The following WRNIP1 variants were observed in gnomAD, a reference collection of about 807,000 sequenced individuals.
WRNIP1 encodes the protein ATPase WRNIP1.
A neutral mutation model predicts 56.1 loss-of-function variants in WRNIP1; 41 were observed. The observed-to-expected ratio is 0.73, with a 90% CI of 0.57 to 0.95. WRNIP1 has a LOEUF of 0.95. Among genes scored for constraint, WRNIP1 ranks in the 40% least tolerant of loss-of-function variants. The pLI, the probability that WRNIP1 is intolerant of heterozygous loss-of-function variation, is 0.00. For synonymous variants in WRNIP1, 547 were observed against 398.1 expected (o/e 1.37, Z -4.45); for missense variants, 1,170 against 939.4 (o/e 1.25, Z -3.21).
Position 2,766,355 on chromosome 6 carries a change from G to T in WRNIP1, c.733G>T (p.Ala245Ser). ...TLQDYFGQSK[A>S]VGQDTLLRSL... ...GCAGGATTACTTCGGGCAGAGCAAG[G>T]CCGTGGGCCAGGATACCCTGCTGCG... Residue 245 changes from alanine (A) to serine (S), a missense_variant, in exon 1 of 7, where the codon GCC (alanine) becomes TCC (serine). Transcript: ENST00000380773. 6.2e-7 allele frequency: 1 copy of T among 1,610,440 alleles called. No individual in the cohort carries two copies. Among genetic ancestry groups the T allele is most frequent in the Non-Finnish European group, 8.5e-7 (1 of 1,178,846 alleles).
chr6:2,771,552 G>A (rs140332091), intron 3 of WRNIP1, among the ~76,000 whole-genome samples: 29 of 152,316 alleles, frequency 1.9e-4, no homozygotes, highest in Non-Finnish European at 3.5e-4. Context: ...AGTACAGGTT[G>A]AGTATCCCAA....
intron 3 of WRNIP1, among the ~76,000 whole-genome samples, chr6:2,772,001 TTAA>T (rs1403721710): frequency 1.3e-5 from 2 of 152,220 alleles, no homozygotes; most frequent in African/African-American, 4.8e-5. Context: ...AAATCAATAA[TTAA>T]TATTGATGAC....
chr6:2,784,828 C>T (rs1765671700), intron 6 of WRNIP1, among the ~76,000 whole-genome samples, 179 bp from the exon 7 acceptor site: 1 of 152,044 alleles, frequency 6.6e-6, no homozygotes, highest in African/African-American at 2.4e-5. Context: ...CTCGTTTCAC[C>T]TCATGAGAAT....
chr6:2,770,660 G>A (rs889533326), intron 3 of WRNIP1, among the ~76,000 whole-genome samples: 18 of 152,066 alleles, frequency 1.2e-4, no homozygotes, highest in Non-Finnish European at 1.3e-4. Flanking sequence ...GGCTTCTATG[G>A]GAAGCCTTAT....
intron 2 of WRNIP1, 89 bp downstream of exon 2, chr6:2,768,971 C>T (rs160658): frequency 0.99 from 1,316,813 of 1,323,990 alleles, 655,086 homozygotes; most frequent in South Asian, 1. Flanking sequence ...TAGAGACTTA[C>T]GAGCTTTGTT....
At chr6:2,769,409 TA>T (rs564048768) in intron 2 of WRNIP1, among the ~76,000 whole-genome samples, 22 of 151,704 alleles carry the variant, frequency 1.5e-4, no homozygotes, top group Non-Finnish European at 1.2e-4. Flanking sequence ...CTTAGGGATT[TA>T]AAAAAAAATA....
At chr6:2,766,938 TTTATTC>T (rs1334172071) in intron 1 of WRNIP1, among the ~76,000 whole-genome samples, 1 of 152,244 alleles carries the variant, frequency 6.6e-6, no homozygotes, top group Non-Finnish European at 1.5e-5. Flanking sequence ...CAGACTGGTA[TTTATTC>T]TTAAGAATAA....
At chr6:2,768,084 C>G (rs979233986) in intron 1 of WRNIP1, among the ~76,000 whole-genome samples, 4 of 152,122 alleles carry the variant, frequency 2.6e-5, no homozygotes, top group African/African-American at 9.7e-5. Context: ...AGTGCTTTAC[C>G]TGGGTCTCCT....
intron 3 of WRNIP1, among the ~76,000 whole-genome samples, chr6:2,779,007 A>C (rs887549940): frequency 1.3e-4 from 20 of 152,216 alleles, no homozygotes; most frequent in Non-Finnish European, 2.8e-4. Context: ...TGTTTCACAC[A>C]GACTTAGATG....
Position 2,785,386 on chromosome 6 carries a change from C to T in WRNIP1, c.*104C>T. 1 of 1,348,594 alleles carries T rather than the reference C, an allele frequency of 7.4e-7. No homozygotes were observed. Among genetic ancestry groups the T allele is most frequent in the Non-Finnish European group, 1.0e-6 (1 of 995,086 alleles). 83.5% of individuals were successfully genotyped at this position (1,348,594 alleles called of 1,614,324 possible). ...GTTGCCTGGTGGAAGTTAGAACAGA[C>T]CAACATTTTGTGCCAGAAATTTAAG... On this transcript the variant is annotated 3_prime_UTR_variant, in exon 7 of 7. Transcript: ENST00000380773.
At chr6:2,775,431 C>A (rs1422861832) in intron 3 of WRNIP1, among the ~76,000 whole-genome samples, 1 of 152,208 alleles carries the variant, frequency 6.6e-6, no homozygotes, top group Non-Finnish European at 1.5e-5. Flanking sequence ...TTCTACACAG[C>A]AGTTATCACC....
In WRNIP1 at chr6:2,765,591, C is replaced by G; in HGVS notation, c.-32C>G. On this transcript the variant is annotated 5_prime_UTR_variant, in exon 1 of 7. Coordinates refer to ENST00000380773, the MANE Select transcript of WRNIP1 (RefSeq NM_020135.3). ...CCGCGTGCGCACGGGTTGCTGCGGC[C>G]GCGCCGGGCGCCGGGGAGGGCGGCG... is the stretch of plus-strand genomic sequence containing the variant. 3 of 1,467,324 alleles carry G rather than the reference C, an allele frequency of 2.0e-6. No homozygotes were observed. Among genetic ancestry groups the G allele is most frequent in the African/African-American group, 2.9e-5 (2 of 68,056 alleles). 90.9% of individuals were successfully genotyped at this position (1,467,324 alleles called of 1,614,324 possible).
In WRNIP1 at chr6:2,786,810, C is replaced by T. The variant is rs982397585; in HGVS notation, c.*1528C>T. ...TGTAGACTCTTCTGTCTTTGCTCCC[C>T]GTGTTTTAAAAGTCTGCACTGGGTA... On this transcript the variant is annotated 3_prime_UTR_variant, in exon 7 of 7. Transcript: ENST00000380773. The T allele has an allele frequency of 6.6e-6, 1 of 152,174 alleles. No individual in the cohort carries two copies. The highest frequency in any genetic ancestry group is 1.5e-5 in the Non-Finnish European group (1 of 68,036). 9.4% of individuals were successfully genotyped at this position (152,174 alleles called of 1,614,324 possible).
chr6:2,771,142 ACCT>A (rs754923315), intron 3 of WRNIP1, among the ~76,000 whole-genome samples: 1 of 152,240 alleles, frequency 6.6e-6, no homozygotes, highest in South Asian at 2.1e-4. Context: ...GCTATTGCCC[ACCT>A]CCTCCTGCTG....
intron 6 of WRNIP1, 83 bp from the exon 7 acceptor site, chr6:2,784,924 C>G: frequency 1.3e-6 from 2 of 1,533,628 alleles, no homozygotes; most frequent in Admixed American, 1.8e-5. Flanking sequence ...TCAGAATTAC[C>G]TAGAGCTGTG....
chr6:2,782,523 C>G (rs533276661), intron 4 of WRNIP1, among the ~76,000 whole-genome samples: 19 of 152,354 alleles, frequency 1.2e-4, no homozygotes, highest in African/African-American at 4.3e-4. Context: ...TGGGCTTATG[C>G]TGAGCACAGA....
At chr6:2,778,651 T>C (rs936231261) in intron 3 of WRNIP1, among the ~76,000 whole-genome samples, 2 of 152,184 alleles carry the variant, frequency 1.3e-5, no homozygotes, top group African/African-American at 4.8e-5. Context: ...TGAGATGACC[T>C]ACTGCAGCAT....
rs1367554291 is a variant in WRNIP1 at position 2,765,610 on chromosome 6, G to A, written c.-13G>A. On this transcript the variant is annotated 5_prime_UTR_variant, in exon 1 of 7. Transcript: ENST00000380773. Reference sequence around the variant, plus strand: ...TGCGGCCGCGCCGGGCGCCGGGGAGGGCGGCGGCCGCCATGGAGGTGAGCG... The same window carrying A: ...TGCGGCCGCGCCGGGCGCCGGGGAGAGCGGCGGCCGCCATGGAGGTGAGCG... 3 of 1,507,022 alleles carry A rather than the reference G, an allele frequency of 2.0e-6. No individual in the cohort carries two copies. Among genetic ancestry groups the A allele is most frequent in the Non-Finnish European group, 2.6e-6 (3 of 1,135,980 alleles). The allele number at this position is 1,507,022 out of a possible 1,614,324, so 93.4% of individuals were successfully genotyped here.
chr6:2,770,420 G>A (rs528939881), intron 3 of WRNIP1, 59 bp downstream of exon 3: 1 of 1,598,536 alleles, frequency 6.3e-7, no homozygotes, highest in Admixed American at 1.7e-5. Context: ...TCTCCTGGCA[G>A]GGGGCCAGAA....
Sources: allele counts gnomAD v4.1 joint callset (sites outside exome capture counted in the v4.1 genomes callset), GRCh38; gene constraint gnomAD v4.1.1; transcripts MANE v1.5; gene names NCBI Gene and HGNC (gene_info 2026-07-23, HGNC 2026-07-21).